Variants in FAT3 observed in about 807,000 individuals in gnomAD.
FAT3 encodes protocadherin Fat 3.
A neutral mutation model predicts 310.2 loss-of-function variants in FAT3; 95 were observed. That is an observed-to-expected ratio of 0.31 (90% CI 0.26 to 0.36). The LOEUF is 0.36. FAT3 is among the 10% of genes least tolerant of loss of function. The probability of loss-of-function intolerance (pLI) is 1.00; values close to 1 mark genes in which losing one functional copy is unlikely to be tolerated. For synonymous variants in FAT3, 2,314 were observed against 2,192.9 expected, an observed-to-expected ratio of 1.06 and a Z score of -1.54; for missense variants, 5,408 against 5,715.6, an observed-to-expected ratio of 0.95 and a Z score of 1.74.
chr11:92,436,060 G>C (rs760913618), intron 2 of FAT3, among the ~76,000 whole-genome samples: 7 of 152,040 alleles, frequency 4.6e-5, no homozygotes, highest in Admixed American at 4.6e-4. Context: ...ACAATTCACA[G>C]GCCAGAAGGG....
At chr11:92,308,951 C>T (rs1023061784) in intron 1 of FAT3, among the ~76,000 whole-genome samples, 4 of 151,922 alleles carry the variant, frequency 2.6e-5, no homozygotes, top group Non-Finnish European at 2.9e-5. Context: ...GGGAACTAGC[C>T]AAGTATGGTG....
At chr11:92,721,243 G>T (rs1274508708) in intron 4 of FAT3, among the ~76,000 whole-genome samples, 1 of 152,164 alleles carries the variant, frequency 6.6e-6, no homozygotes, top group African/African-American at 2.4e-5. Flanking sequence ...TAAATGAAAG[G>T]TTAAAGGGCC....
chr11:92,239,768 A>G (rs1373193514), intron 1 of FAT3, among the ~76,000 whole-genome samples: 3 of 152,160 alleles, frequency 2.0e-5, no homozygotes, highest in Admixed American at 2.0e-4. Flanking sequence ...GATGGAAGAT[A>G]AAATGTAGAA....
At chr11:92,794,393 C>G (rs1947115598) in intron 9 of FAT3, among the ~76,000 whole-genome samples, 1 of 152,024 alleles carries the variant, frequency 6.6e-6, no homozygotes, top group Non-Finnish European at 1.5e-5. Context: ...TGTTTCATGT[C>G]ACTGTAATTA....
chr11:92,227,919 TTTTA>T (rs1377218686), intron 1 of FAT3, among the ~76,000 whole-genome samples: 1 of 113,434 alleles, frequency 8.8e-6, no homozygotes, highest in African/African-American at 3.0e-5. Context: ...GGGAAGTTTT[TTTTA>T]TTTTTTTTTT....
intron 12 of FAT3, among the ~76,000 whole-genome samples, chr11:92,808,017 G>T (rs1947555863): frequency 6.6e-6 from 1 of 152,276 alleles, no homozygotes; most frequent in African/African-American, 2.4e-5. Context: ...AGTCTTGTAA[G>T]AGGTTGCATC....
At chr11:92,790,301 C>T in intron 8 of FAT3, 83 bp downstream of exon 8, 1 of 1,382,412 alleles carries the variant, frequency 7.2e-7, no homozygotes. Flanking sequence ...AGTATAGGGC[C>T]CCTAAATTTT....
chr11:92,774,030 G>A lies in FAT3; in HGVS notation c.4196-11G>A, dbSNP rs752963359. 1.1e-5 allele frequency: 17 copies of A among 1,611,546 alleles called. No individual in the cohort carries two copies. The South Asian group carries it at 1.7e-4, about 16-fold the overall frequency. ...AGATTTGCTAATTTCATGTTTCTGT[G>A]AAATCATCAGGGGGGAATTTTGACA... On this transcript the variant is annotated splice_polypyrimidine_tract_variant and intron_variant, in intron 6 of 27. Transcript: ENST00000525166.
At position 92,844,244 on chromosome 11, in the gene FAT3, G is replaced by A. The variant is rs771337327; in HGVS notation, c.10877G>A (p.Arg3626His). ...YVLNVSVSDG[R>H]FQVPIDVVVH... The stretch of plus-strand genomic sequence containing the variant: ...CTGAATGTGTCTGTGAGTGATGGTC[G>A]CTTCCAGGTACCCATTGATGTGGTC... The change falls in exon 19 of 28, where the codon CGC (arginine) becomes CAC (histidine). Residue 3626 changes from arginine (R) to histidine (H), a missense_variant. Arg to His is a conservative substitution (Grantham distance 29). Around this residue, in one of 5 missense-constraint regions of FAT3, gnomAD observed 4,588 missense variants for 4,809.8 expected, o/e 0.95. Coordinates refer to ENST00000525166, the MANE Select transcript of FAT3 (RefSeq NM_001367949.2). 23 of 1,613,890 alleles carry A rather than the reference G, an allele frequency of 1.4e-5. No homozygotes were observed. Among genetic ancestry groups the A allele is most frequent in the Admixed American group, 5.0e-5 (3 of 60,006 alleles).
rs145670246 is a variant in FAT3 at position 92,872,808 on chromosome 11, A to G, written c.12127+5599A>G. ...ATTTTACAAGGTCTAAAGGTTTTGA[A>G]TGTACCCTGTTTGGTGAAAGAGAAG... is the stretch of plus-strand genomic sequence containing the variant. On this transcript the variant is annotated intron_variant, in intron 22 of 27. Coordinates refer to ENST00000525166, the MANE Select transcript of FAT3 (RefSeq NM_001367949.2). 5.7e-3 allele frequency among the ~76,000 whole-genome samples: 862 copies of G among 152,362 alleles called. 4 individuals carry two copies. Among genetic ancestry groups the G allele is most frequent in the Non-Finnish European group, 0.01 (682 of 68,030 alleles).
rs376799899 is a variant in FAT3, at chr11:92,886,992, C to T, written c.12938-8C>T. ...TAATTTCTGCTTTCTCTTTCACTGT[C>T]CATGAAGACAAAGGGGTTGATGACC... On this transcript the variant is annotated splice_polypyrimidine_tract_variant and splice_region_variant and intron_variant, in intron 24 of 27. Transcript: ENST00000525166. 16 of 1,590,524 alleles carry T rather than the reference C, an allele frequency of 1.0e-5. No homozygotes were observed. Among genetic ancestry groups the T allele is most frequent in the Non-Finnish European group, 1.4e-5 (16 of 1,167,384 alleles).
At chr11:92,404,890 A>G (rs1200624845) in intron 2 of FAT3, among the ~76,000 whole-genome samples, 1 of 151,830 alleles carries the variant, frequency 6.6e-6, no homozygotes, top group African/African-American at 2.4e-5. Flanking sequence ...TTAAACACAG[A>G]TGCTCCCGGT....
intron 1 of FAT3, among the ~76,000 whole-genome samples, chr11:92,280,515 C>A (rs1376376996): frequency 6.6e-6 from 1 of 152,120 alleles, no homozygotes; most frequent in African/African-American, 2.4e-5. Context: ...TTTTTCTTTG[C>A]TCCTGGATCG....
At chr11:92,432,419 A>G (rs1950809151) in intron 2 of FAT3, among the ~76,000 whole-genome samples, 1 of 152,206 alleles carries the variant, frequency 6.6e-6, no homozygotes, top group Non-Finnish European at 1.5e-5. Context: ...TTCTAGGTAT[A>G]CAATCATGTC....
At chr11:92,857,695 A>T (rs749922474) in intron 20 of FAT3, among the ~76,000 whole-genome samples, 2 of 152,146 alleles carry the variant, frequency 1.3e-5, no homozygotes, top group Non-Finnish European at 2.9e-5. Context: ...ATGGCCTTTG[A>T]TGCTCAGGGT....
chr11:92,329,903 T>A (rs1947868607), intron 1 of FAT3, among the ~76,000 whole-genome samples: 1 of 151,274 alleles, frequency 6.6e-6, no homozygotes, highest in South Asian at 2.1e-4. Flanking sequence ...GCACACTGGG[T>A]GATACCAGAG....
chr11:92,432,827 T>C (rs1950823383), intron 2 of FAT3, among the ~76,000 whole-genome samples: 1 of 152,172 alleles, frequency 6.6e-6, no homozygotes, highest in Admixed American at 6.5e-5. Context: ...GCTGAAGCTG[T>C]GCCCATAGCT....
chr11:92,770,090 T>C (rs2136107094), intron 6 of FAT3, among the ~76,000 whole-genome samples: 1 of 152,286 alleles, frequency 6.6e-6, no homozygotes, highest in South Asian at 2.1e-4. Context: ...AGCTGCTCCT[T>C]CATCAGGGTG....
intron 1 of FAT3, among the ~76,000 whole-genome samples, chr11:92,231,178 T>C (rs1447791779): frequency 6.6e-6 from 1 of 152,192 alleles, no homozygotes; most frequent in Non-Finnish European, 1.5e-5. Context: ...CAGGTGCACA[T>C]GGTGTATTCT....
Sources: allele counts gnomAD v4.1 joint callset (sites outside exome capture counted in the v4.1 genomes callset), GRCh38; gene constraint gnomAD v4.1.1; regional missense constraint gnomAD v4.1.1; transcripts MANE v1.5; gene names NCBI Gene and HGNC (gene_info 2026-07-23, HGNC 2026-07-21).